The following APOC2 variants were observed in gnomAD, a reference collection of about 807,000 sequenced individuals.
The protein encoded by APOC2 is apolipoprotein C2, also known as apolipoprotein C-II.
A neutral mutation model predicts 10.2 loss-of-function variants in APOC2; 6 were observed. The ratio of observed to expected loss-of-function variants is 0.59; its 90% CI spans 0.32 to 1.16. The LOEUF (loss-of-function observed/expected upper bound fraction) is 1.16, where lower values mean the gene tolerates loss of function less well. Among genes scored for constraint, APOC2 ranks in the 50% most tolerant of loss-of-function variants. APOC2 has a pLI of 0.05. For synonymous variants in APOC2, 56 were observed against 48.5 expected (o/e 1.15, Z -0.64); for missense variants, 110 against 117.6 (o/e 0.94, Z 0.30).
intron 2 of APOC2, 67 bp downstream of exon 2, chr19:44,948,600 C>G: frequency 6.2e-7 from 1 of 1,604,876 alleles, no homozygotes; most frequent in East Asian, 2.2e-5. Flanking sequence ...CTTCCCAGCC[C>G]AGGCCCTTCT....
chr19:44,948,095 G>A (rs1056958456), intron 1 of APOC2, among the ~76,000 whole-genome samples: 3 of 151,652 alleles, frequency 2.0e-5, no homozygotes, highest in African/African-American at 7.3e-5. Context: ...AAAATCAGCC[G>A]GGTGGTGGCG....
chr19:44,949,465 A>C lies in APOC2; in HGVS notation c.*216A>C. 1 of 594,628 alleles carries C rather than the reference A, an allele frequency of 1.7e-6. No individual in the cohort carries two copies. Among genetic ancestry groups the C allele is most frequent in the South Asian group, 1.9e-5 (1 of 51,926 alleles). The allele number at this position is 594,628 out of a possible 1,614,324, so 36.8% of individuals were successfully genotyped here. On this transcript the variant is annotated 3_prime_UTR_variant, in exon 4 of 4. Transcript: ENST00000252490. ...CAAGATGGAGGGGCTGACTCAGTCC[A>C]GCCAACATTTAATGAGCACCTACTT...
intron 1 of APOC2, among the ~76,000 whole-genome samples, 159 bp downstream of exon 1, chr19:44,946,234 T>TGTGTGTGTGTGTGTGTGTGAGAGA (rs1236986911): frequency 3.0e-5 from 4 of 132,830 alleles, no homozygotes; most frequent in African/African-American, 1.2e-4. Context: ...TGTGTGTGTG[T>TGTGTGTGTGTGTGTGTGTGAGAGA]GAGAGAGAGA....
Position 44,949,493 on chromosome 19 carries a change from T to G in APOC2, c.*244T>G, listed in dbSNP as rs1056875283. On this transcript the variant is annotated 3_prime_UTR_variant, in exon 4 of 4. Coordinates refer to ENST00000252490, the MANE Select transcript of APOC2 (RefSeq NM_000483.5). ...CAACATTTAATGAGCACCTACTTTA[T>G]GTATGGAGCTCTAACCCATGGGTCC... is the stretch of plus-strand genomic sequence containing the variant. The G allele has an allele frequency of 1.8e-6, 1 of 560,462 alleles. No homozygotes were observed. Among genetic ancestry groups the G allele is most frequent in the African/African-American group, 1.9e-5 (1 of 52,992 alleles). 34.7% of individuals were successfully genotyped at this position (560,462 alleles called of 1,614,324 possible). A position where few individuals can be genotyped will look rare whatever the true frequency, so the allele number is the denominator to read the frequency against.
chr19:44,949,171 C>A lies in APOC2; in HGVS notation c.228C>A (p.Ser76Arg). Residue 76 changes from serine (S) to arginine (R), a missense_variant, in exon 4 of 4, where the codon AGC becomes AGA. Ser to Arg is a moderately radical substitution (Grantham distance 110, BLOSUM62 -1). Transcript: ENST00000252490. ...GCTTTCTCCCCAGGGACTTGTACAG[C>A]AAAAGCACAGCAGCCATGAGCACTT... Reference protein sequence around the residue: ...AVDEKLRDLYSKSTAAMSTYT... With the variant: ...AVDEKLRDLYRKSTAAMSTYT... 5 of 1,613,898 alleles carry A rather than the reference C, an allele frequency of 3.1e-6. No homozygotes were observed. Among genetic ancestry groups the A allele is most frequent in the Non-Finnish European group, 4.2e-6 (5 of 1,179,956 alleles).
chr19:44,949,160 G>C lies in APOC2; in HGVS notation c.217G>C (p.Asp73His), dbSNP rs757506929. The C allele has an allele frequency of 6.2e-7, 1 of 1,613,196 alleles. No homozygotes were observed. Among genetic ancestry groups the C allele is most frequent in the Non-Finnish European group, 8.5e-7 (1 of 1,179,648 alleles). The change falls in exon 4 of 4, where the codon GAC becomes CAC. Residue 73 changes from aspartate to histidine, a missense_variant and splice_region_variant. Transcript: ENST00000252490. ...YLPAVDEKLR[D>H]LYSKSTAAMS... ...TAACCATCTGTGCTTTCTCCCCAGG[G>C]ACTTGTACAGCAAAAGCACAGCAGC...
At chr19:44,946,655 A>G (rs1449242754) in intron 1 of APOC2, among the ~76,000 whole-genome samples, 1 of 151,690 alleles carries the variant, frequency 6.6e-6, no homozygotes, top group Non-Finnish European at 1.5e-5. Context: ...AACCGCATCT[A>G]TACTAAAAAT....
In APOC2 at chr19:44,948,759, C is replaced by G. The variant is rs1015993244; in HGVS notation, c.114C>G (p.Thr38=). 16 of 1,614,062 alleles carry G rather than the reference C, an allele frequency of 9.9e-6. No homozygotes were observed. Among genetic ancestry groups the G allele is most frequent in the Non-Finnish European group, 1.4e-5 (16 of 1,180,044 alleles). ...QDEMPSPTFL[T]QVKESLSSYW... is the part of the protein sequence containing the mutation. Reference sequence around the variant, plus strand: ...AGATGCCTAGCCCGACCTTCCTCACCCAGGTGAAGGAATCTCTCTCCAGTT... The same window carrying G: ...AGATGCCTAGCCCGACCTTCCTCACGCAGGTGAAGGAATCTCTCTCCAGTT... The change falls in exon 3 of 4, where the codon ACC becomes ACG. Residue 38 remains threonine, a synonymous_variant. Coordinates refer to ENST00000252490, the MANE Select transcript of APOC2 (RefSeq NM_000483.5).
chr19:44,949,260 C>T lies in APOC2; in HGVS notation c.*11C>T, dbSNP rs896783512. The stretch of plus-strand genomic sequence containing the variant: ...AAGGGAGAGGAGTAACAGCCAGACC[C>T]CCCATCAGTGGACAAGGGGAGAGTC... On this transcript the variant is annotated 3_prime_UTR_variant, in exon 4 of 4. Transcript: ENST00000252490. The T allele has an allele frequency of 6.2e-7, 1 of 1,611,398 alleles. No homozygotes were observed. Among genetic ancestry groups the T allele is most frequent in the Non-Finnish European group, 8.5e-7 (1 of 1,178,404 alleles).
rs777678252 is a variant in APOC2 at position 44,948,514 on chromosome 19, C to G, written c.36C>G (p.Val12=). The G allele has an allele frequency of 8.7e-6, 14 of 1,614,016 alleles. No homozygotes were observed. The highest frequency in any genetic ancestry group is 1.3e-5 in the African/African-American group (1 of 74,920). ...GACTCCTCCCAGCTCTGTTTCTTGT[C>G]CTCCTGGTATTGGGATTTGGTGAGT... The part of the protein sequence containing the change: ...GTRLLPALFL[V]LLVLGFEVQG... Residue 12 remains valine, a synonymous_variant, in exon 2 of 4, where the codon GTC becomes GTG. Transcript: ENST00000252490.
chr19:44,946,234 T>TGTGTGTGTGTGTGA (rs1236986911), intron 1 of APOC2, among the ~76,000 whole-genome samples, 159 bp downstream of exon 1: 111 of 132,892 alleles, frequency 8.4e-4, no homozygotes, highest in African/African-American at 3.1e-3. Context: ...TGTGTGTGTG[T>TGTGTGTGTGTGTGA]GAGAGAGAGA....
At chr19:44,949,108 G>C (rs773049095) in intron 3 of APOC2, 51 bp from the exon 4 acceptor site, 14 of 1,515,434 alleles carry the variant, frequency 9.2e-6, no homozygotes, top group Non-Finnish European at 1.1e-5. Flanking sequence ...AGACCCAGGA[G>C]TCCAGGCCCC....
At chr19:44,949,112 A>T (rs751446774) in intron 3 of APOC2, 47 bp from the exon 4 acceptor site, 5 of 1,516,130 alleles carry the variant, frequency 3.3e-6, no homozygotes, top group Non-Finnish European at 4.5e-6. Flanking sequence ...CCAGGAGTCC[A>T]GGCCCCCAGC....
intron 1 of APOC2, among the ~76,000 whole-genome samples, chr19:44,946,790 C>G (rs1027800026): frequency 4.6e-5 from 7 of 152,044 alleles, no homozygotes; most frequent in Non-Finnish European, 8.8e-5. Flanking sequence ...CCACTGTACT[C>G]TAGCCTGGGT....
At chr19:44,948,673 G>A in intron 2 of APOC2, 28 bp from the exon 3 acceptor site, 1 of 1,613,578 alleles carries the variant, frequency 6.2e-7, no homozygotes, top group Non-Finnish European at 8.5e-7. Context: ...AGCCCCACGG[G>A]CTCTCCTGAC....
chr19:44,949,269 T>A lies in APOC2; in HGVS notation c.*20T>A, dbSNP rs1020175030. On this transcript the variant is annotated 3_prime_UTR_variant, in exon 4 of 4. Transcript: ENST00000252490. The stretch of plus-strand genomic sequence containing the variant: ...GAGTAACAGCCAGACCCCCCATCAG[T>A]GGACAAGGGGAGAGTCCCCTACTCC... The A allele has an allele frequency of 6.2e-7, 1 of 1,606,760 alleles. No individual in the cohort carries two copies. Among genetic ancestry groups the A allele is most frequent in the Non-Finnish European group, 8.5e-7 (1 of 1,174,902 alleles).
In APOC2 at chr19:44,949,511, A is replaced by G; in HGVS notation, c.*262A>G. 1 of 508,828 alleles carries G rather than the reference A, an allele frequency of 2.0e-6. No homozygotes were observed. The highest frequency in any genetic ancestry group is 3.6e-6 in the Non-Finnish European group (1 of 279,754). The allele number at this position is 508,828 out of a possible 1,614,324, so 31.5% of individuals were successfully genotyped here. A position where few individuals can be genotyped will look rare whatever the true frequency, so the allele number is the denominator to read the frequency against. On this transcript the variant is annotated 3_prime_UTR_variant, in exon 4 of 4. Transcript: ENST00000252490. ...TACTTTATGTATGGAGCTCTAACCC[A>G]TGGGTCCATGGGAATAAAGCAGTGA...
chr19:44,949,373 T>C lies in APOC2; in HGVS notation c.*124T>C. On this transcript the variant is annotated 3_prime_UTR_variant, in exon 4 of 4. Transcript: ENST00000252490. ...TCCTCCCAACTCTAGCCTGAATTCTTTTCAATAAAAAATACAATTCAAGTT... is the reference window on the plus strand; with the variant it reads ...TCCTCCCAACTCTAGCCTGAATTCTCTTCAATAAAAAATACAATTCAAGTT... 2.6e-6 allele frequency: 2 copies of C among 769,304 alleles called. No individual in the cohort carries two copies. Among genetic ancestry groups the C allele is most frequent in the East Asian group, 5.4e-5 (2 of 37,158 alleles). 47.7% of individuals were successfully genotyped at this position (769,304 alleles called of 1,614,324 possible).
chr19:44,948,461 TC>T lies in APOC2; in HGVS notation c.-13-3del, dbSNP rs754265092. On this transcript the variant is annotated splice_region_variant and splice_polypyrimidine_tract_variant and intron_variant, in intron 1 of 3. Coordinates refer to ENST00000252490, the MANE Select transcript of APOC2 (RefSeq NM_000483.5). Reference sequence around the variant, plus strand: ...CTGCCACATGACACCCCCTCAATGTTCCAGGTCTCTGGACACTATGGGCACA... The same window carrying T: ...CTGCCACATGACACCCCCTCAATGTTCAGGTCTCTGGACACTATGGGCACA... 27 of 1,613,402 alleles carry T rather than the reference TC, an allele frequency of 1.7e-5. No individual in the cohort carries two copies. The highest frequency in any genetic ancestry group is 2.2e-5 in the Non-Finnish European group (26 of 1,179,548).
Sources: allele counts gnomAD v4.1 joint callset (sites outside exome capture counted in the v4.1 genomes callset), GRCh38; gene constraint gnomAD v4.1.1; transcripts MANE v1.5; gene names NCBI Gene and HGNC (gene_info 2026-07-23, HGNC 2026-07-21).